Variants in CNNM2 observed in about 807,000 individuals in gnomAD.
CNNM2 encodes the protein cyclin and CBS domain divalent metal cation transport mediator 2.
Under a neutral mutation model 66.9 loss-of-function variants are expected in CNNM2, and 12 were observed. That is an observed-to-expected ratio of 0.18 (90% CI 0.11 to 0.29). The LOEUF is 0.29. Among genes scored for constraint, CNNM2 ranks in the 10% least tolerant of loss-of-function variants. The probability of loss-of-function intolerance (pLI) is 1.00; values close to 1 mark genes in which losing one functional copy is unlikely to be tolerated. For synonymous variants in CNNM2, 557 were observed against 501.8 expected (o/e 1.11, Z -1.47); for missense variants, 705 against 1,167.7 (o/e 0.60, Z 5.77).
intron 1 of CNNM2, among the ~76,000 whole-genome samples, chr10:103,038,734 G>A (rs1204659350): frequency 6.6e-6 from 1 of 152,190 alleles, no homozygotes; most frequent in African/African-American, 2.4e-5. Flanking sequence ...TGCTAGGGAG[G>A]TCTGGGCCGG....
Position 103,089,574 on chromosome 10 carries a change from CT to C in CNNM2, c.*12395del. 1 of 1,429,298 alleles carries C rather than the reference CT, an allele frequency of 7.0e-7. No homozygotes were observed. The allele number at this position is 1,429,298 out of a possible 1,614,324, so 88.5% of individuals were successfully genotyped here. On this transcript the variant is annotated 3_prime_UTR_variant, in exon 8 of 8. Transcript: ENST00000369878. ...TCAGACGTACCTTTCATGGAGCCCC[CT>C]CCCTCCCCCGAGTAGAACCCTAACA...
chr10:102,929,168 G>C (rs1430600221), intron 1 of CNNM2, among the ~76,000 whole-genome samples: 1 of 152,180 alleles, frequency 6.6e-6, no homozygotes, highest in Non-Finnish European at 1.5e-5. Flanking sequence ...GCTGAGGTGG[G>C]AGAATTGCTT....
intron 1 of CNNM2, among the ~76,000 whole-genome samples, chr10:102,979,988 A>G (rs1170677416): frequency 2.0e-5 from 3 of 151,416 alleles, no homozygotes; most frequent in Non-Finnish European, 4.4e-5. Context: ...ATCTCGGCTC[A>G]CTGCAATCTC....
At chr10:103,023,962 A>G (rs2064646394) in intron 1 of CNNM2, among the ~76,000 whole-genome samples, 1 of 152,166 alleles carries the variant, frequency 6.6e-6, no homozygotes, top group Admixed American at 6.5e-5. Flanking sequence ...ACTTTATCCT[A>G]AACTGTTTTT....
rs777512424 is a variant in CNNM2, at chr10:103,089,627, T to G, written c.*12447T>G. ...GGACCTCGTTTGTTCCTGTGAGTCC[T>G]GCCAGGACTTGTTTAATGGGTGCTT... On this transcript the variant is annotated 3_prime_UTR_variant, in exon 8 of 8. Coordinates refer to ENST00000369878, the MANE Select transcript of CNNM2 (RefSeq NM_017649.5). The G allele has an allele frequency of 5.9e-6, 9 of 1,533,446 alleles. No individual in the cohort carries two copies. Among genetic ancestry groups the G allele is most frequent in the Non-Finnish European group, 7.9e-6 (9 of 1,140,352 alleles). 95.0% of individuals were successfully genotyped at this position (1,533,446 alleles called of 1,614,324 possible).
At chr10:103,076,733 A>G (rs900704083) in intron 7 of CNNM2, among the ~76,000 whole-genome samples, 1 of 152,232 alleles carries the variant, frequency 6.6e-6, no homozygotes, top group Non-Finnish European at 1.5e-5. Context: ...GGGAGAAACC[A>G]GTCTCTATTT....
At chr10:102,936,152 A>G (rs1053916579) in intron 1 of CNNM2, among the ~76,000 whole-genome samples, 9 of 152,084 alleles carry the variant, frequency 5.9e-5, no homozygotes, top group African/African-American at 2.2e-4. Context: ...CCCATCTGCA[A>G]TCATAGAAAC....
intron 4 of CNNM2, among the ~76,000 whole-genome samples, chr10:103,067,690 A>G (rs2065504109): frequency 6.6e-6 from 1 of 152,178 alleles, no homozygotes; most frequent in Admixed American, 6.5e-5. Flanking sequence ...TGCAGGGATT[A>G]TAGTGGACCC....
Position 102,942,562 on chromosome 10 carries a change from G to A in CNNM2, c.1621+22461G>A, listed in dbSNP as rs7898640. Among the ~76,000 whole-genome samples, 578 of 152,168 alleles carry A rather than the reference G, an allele frequency of 3.8e-3. 5 individuals carry two copies. Among genetic ancestry groups the A allele is most frequent in the African/African-American group, 0.014 (561 of 41,504 alleles). On this transcript the variant is annotated intron_variant, in intron 1 of 7. Transcript: ENST00000369878. ...TGTGCCACATTTTGTTTATCCATTC[G>A]TCTGTTGATGGACATTTGAGTTGCC...
chr10:103,089,693 CTCT>C lies in CNNM2; in HGVS notation c.*12516_*12518del, dbSNP rs1380291300. ...CTCCTTATTCTTCCTCCTCCTCCTC[CTCT>C]TCATCATCATCTTCGTCATGGCAGT... On this transcript the variant is annotated 3_prime_UTR_variant, in exon 8 of 8. Coordinates refer to ENST00000369878, the MANE Select transcript of CNNM2 (RefSeq NM_017649.5). 5 of 1,607,780 alleles carry C rather than the reference CTCT, an allele frequency of 3.1e-6. No homozygotes were observed. Among genetic ancestry groups the C allele is most frequent in the Non-Finnish European group, 2.5e-6 (3 of 1,176,920 alleles).
rs370000130 is a variant in CNNM2 at position 103,018,686 on chromosome 10, CT to C, written c.1622-31000del. Among the ~76,000 whole-genome samples, 745 of 116,246 alleles carry C rather than the reference CT, an allele frequency of 6.4e-3. 3 individuals carry two copies. The highest frequency in any genetic ancestry group is 8.9e-3 in the South Asian group (31 of 3,464). 76.3% of individuals were successfully genotyped at this position (116,246 alleles called of 152,430 possible). A position where few individuals can be genotyped will look rare whatever the true frequency, so the allele number is the denominator to read the frequency against. On this transcript the variant is annotated intron_variant, in intron 1 of 7. Coordinates refer to ENST00000369878, the MANE Select transcript of CNNM2 (RefSeq NM_017649.5). ...AGCAAGGTAAATATACTCTTCTTTC[CT>C]TTTTTTTTTTTTTTTTTTTTGAGAT...
chr10:102,960,220 C>G (rs940315812), intron 1 of CNNM2, among the ~76,000 whole-genome samples: 12 of 152,106 alleles, frequency 7.9e-5, no homozygotes, highest in African/African-American at 2.2e-4. Flanking sequence ...CGCTGATTTT[C>G]TATTTGCACT....
chr10:103,070,035 C>T (rs1260039429), intron 5 of CNNM2, among the ~76,000 whole-genome samples: 2 of 152,182 alleles, frequency 1.3e-5, no homozygotes, highest in Admixed American at 1.3e-4. Context: ...AGAATTCTGT[C>T]GTATTTCTAA....
chr10:103,027,952 AGTAT>A (rs2134296179), intron 1 of CNNM2, among the ~76,000 whole-genome samples: 2 of 152,314 alleles, frequency 1.3e-5, no homozygotes, highest in East Asian at 3.9e-4. Context: ...TCACACAGGT[AGTAT>A]GTAACAGAGT....
chr10:102,981,400 A>T (rs574415563), intron 1 of CNNM2, among the ~76,000 whole-genome samples: 3 of 151,712 alleles, frequency 2.0e-5, no homozygotes, highest in South Asian at 2.1e-4. Flanking sequence ...CCTATATTAA[A>T]TTTTTTACCT....
Position 102,918,693 on chromosome 10 carries a change from G to C in CNNM2, c.213G>C (p.Glu71Asp). The change falls in exon 1 of 8, where the codon GAG becomes GAC. Residue 71 changes from glutamate to aspartate, a missense_variant. Transcript: ENST00000369878. This position sits in a 1 kb window ranked among gnomAD's most constrained non-coding sequence, Gnocchi z 4.1. ...GGCAAVGENE[E>D]TVIIGLRLED... ...GCGCAGCGGTGGGCGAGAATGAGGA[G>C]ACGGTGATCATCGGGCTGCGACTGG... The C allele has an allele frequency of 6.4e-7, 1 of 1,558,454 alleles. No individual in the cohort carries two copies. The highest frequency in any genetic ancestry group is 8.7e-7 in the Non-Finnish European group (1 of 1,151,748).
intron 1 of CNNM2, among the ~76,000 whole-genome samples, chr10:103,014,281 G>A (rs1023561322): frequency 2.0e-5 from 3 of 152,176 alleles, no homozygotes; most frequent in African/African-American, 4.8e-5. Flanking sequence ...GCCTTGGCAG[G>A]TGGTATCAGT....
At chr10:103,074,883 G>C (rs1014697607) in intron 6 of CNNM2, among the ~76,000 whole-genome samples, 1 of 152,144 alleles carries the variant, frequency 6.6e-6, no homozygotes, top group Non-Finnish European at 1.5e-5. Context: ...GGAGATTCTT[G>C]GAGTACTTAT....
chr10:102,972,487 A>C lies in CNNM2; in HGVS notation c.1621+52386A>C, dbSNP rs76948583. ...CTGTCTCTACTAAAAATACAAAAAA[A>C]TTAGACGGGCGTGGTGGCGGGCGCC... On this transcript the variant is annotated intron_variant, in intron 1 of 7. Coordinates refer to ENST00000369878, the MANE Select transcript of CNNM2 (RefSeq NM_017649.5). 5.3e-4 allele frequency among the ~76,000 whole-genome samples: 80 copies of C among 152,126 alleles called. 1 individual carries two copies. The highest frequency in any genetic ancestry group is 2.9e-5 in the Non-Finnish European group (2 of 68,020).
Sources: gnomAD v4.1 joint callset for allele counts (sites outside exome capture counted in the v4.1 genomes callset) on GRCh38, gnomAD v4.1.1 for gene constraint, Gnocchi (gnomAD v3.1) non-coding constraint, MANE v1.5 for transcripts, NCBI Gene and HGNC (gene_info 2026-07-23, HGNC 2026-07-21) for gene names.